The following PER2 variants were observed in gnomAD, a reference collection of about 807,000 sequenced individuals.
PER2 encodes period circadian regulator 2, also known as period circadian protein homolog 2.
In PER2, 66 loss-of-function variants were observed where a neutral mutation model predicts 121.0. The observed-to-expected ratio is 0.55, with a 90% CI of 0.45 to 0.67. The LOEUF (loss-of-function observed/expected upper bound fraction) is 0.67, where lower values mean the gene tolerates loss of function less well. Ranked by LOEUF, PER2 falls within the 30% of genes least tolerant of loss-of-function variation. The probability of loss-of-function intolerance (pLI) is 0.00; values close to 1 mark genes in which losing one functional copy is unlikely to be tolerated. For synonymous variants in PER2, 684 were observed against 659.9 expected (o/e 1.04, Z -0.56); for missense variants, 1,521 against 1,635.0 (o/e 0.93, Z 1.20).
In PER2 at chr2:238,253,176, GA is replaced by G. The variant is rs1402612032; in HGVS notation, c.2846del (p.Phe949SerfsTer70). 5.0e-6 allele frequency: 8 copies of G among 1,595,092 alleles called. No individual in the cohort carries two copies. The highest frequency in any genetic ancestry group is 6.9e-6 in the Non-Finnish European group (8 of 1,167,624). On this transcript the variant is annotated frameshift_variant, in exon 19 of 23. Transcript: ENST00000254657. LOFTEE classifies it high-confidence loss of function. The surrounding 1 kb of genome is among the most constrained non-coding windows in gnomAD (Gnocchi z 5.6). ...SEMASASQPE[F>X]PSRTSIPRQP... The stretch of plus-strand genomic sequence containing the variant: ...GTCTGGGGATCGAGGTCCGGCTGGG[GA>G]ACTCAGGCTGTGAGGCAGAGGCCAT...
rs1695426119 is a variant in PER2 at position 238,245,630 on chromosome 2, G to A, written c.*745C>T. The A allele has an allele frequency of 2.5e-6, 1 of 398,648 alleles. No homozygotes were observed. The highest frequency in any genetic ancestry group is 3.6e-5 in the East Asian group (1 of 28,082). 24.7% of individuals were successfully genotyped at this position (398,648 alleles called of 1,614,324 possible). On this transcript the variant is annotated 3_prime_UTR_variant, in exon 23 of 23. Transcript: ENST00000254657. ...ATATTGGCCATCATGGTCTGAAAAG[G>A]AGACAAGAATAATGCAGAAATATAC...
chr2:238,255,605 C>T, intron 18 of PER2, 52 bp downstream of exon 18: 11 of 1,589,650 alleles, frequency 6.9e-6, no homozygotes, highest in Non-Finnish European at 9.5e-6. Flanking sequence ...GGACTCAGTA[C>T]CAACAGGAAT....
Position 238,268,262 on chromosome 2 carries a change from C to T in PER2, c.825-64G>A, listed in dbSNP as rs1696173399. On this transcript the variant is annotated intron_variant, in intron 7 of 22. Coordinates refer to ENST00000254657, the MANE Select transcript of PER2 (RefSeq NM_022817.3). The surrounding 1 kb of genome is among the most constrained non-coding windows in gnomAD (Gnocchi z 4.0). ...CACAGGAACAGTCCCCTGTTCTGTT[C>T]CCTCCTCACCTGGGCCCCATGCCAT... The T allele has an allele frequency of 1.8e-5, 28 of 1,532,986 alleles. No individual in the cohort carries two copies. The East Asian group carries it at 6.1e-4, about 34-fold the overall frequency. 95.0% of individuals were successfully genotyped at this position (1,532,986 alleles called of 1,614,324 possible).
At chr2:238,261,308 G>A in intron 12 of PER2, 1 of 395,302 alleles carries the variant, frequency 2.5e-6, no homozygotes, top group Non-Finnish European at 4.7e-6. Context: ...CTGACAGGCA[G>A]GCGCCTACTC....
intron 8 of PER2, 82 bp from the exon 9 acceptor site, chr2:238,265,672 C>G: frequency 1.1e-6 from 1 of 880,022 alleles, no homozygotes; most frequent in Non-Finnish European, 1.9e-6. Flanking sequence ...AGAAAACACC[C>G]TGTAGATTCA....
chr2:238,258,232 T>C, intron 16 of PER2, 44 bp downstream of exon 16: 1 of 1,608,916 alleles, frequency 6.2e-7, no homozygotes, highest in Non-Finnish European at 8.5e-7. Flanking sequence ...CTCCAGAGGA[T>C]TTACATTATT....
intron 4 of PER2, among the ~76,000 whole-genome samples, 169 bp from the exon 5 acceptor site, chr2:238,273,360 CACAG>C (rs978538417): frequency 2.0e-4 from 30 of 152,230 alleles, no homozygotes. Flanking sequence ...AAAACAAACT[CACAG>C]ACAGAAATCG....
At chr2:238,297,351 G>T in the PER2 span, among the ~76,000 whole-genome samples, 1 of 152,184 alleles carries the variant, frequency 6.6e-6, no homozygotes, top group Non-Finnish European at 1.5e-5. Flanking sequence ...CTGGGGCCAG[G>T]AGTCCCCCAG....
At position 238,277,946 on chromosome 2, in the gene PER2, T is replaced by C. The variant is rs1696508603; in HGVS notation, c.-10A>G. Reference sequence around the variant, plus strand: ...CCGCGTATCCATTCATGCTGGGCTCTGGAACGAAGCTGGCAAACAGAGGGA... The same window carrying C: ...CCGCGTATCCATTCATGCTGGGCTCCGGAACGAAGCTGGCAAACAGAGGGA... On this transcript the variant is annotated 5_prime_UTR_variant, in exon 2 of 23. Transcript: ENST00000254657. 1.9e-6 allele frequency: 3 copies of C among 1,612,810 alleles called. No homozygotes were observed. The highest frequency in any genetic ancestry group is 2.5e-6 in the Non-Finnish European group (3 of 1,179,808).
chr2:238,253,223 G>A lies in PER2; in HGVS notation c.2800C>T (p.His934Tyr). ...FFPSQPQFPS[H>Y]PTLTSEMASA... ...GCCATCTCGGATGTGAGTGTGGGGTGGCTCGGAAACTGAGGCTGGCTGGGG... is the reference window on the plus strand; with the variant it reads ...GCCATCTCGGATGTGAGTGTGGGGTAGCTCGGAAACTGAGGCTGGCTGGGG... The change falls in exon 19 of 23, where the codon CAC becomes TAC. Residue 934 changes from histidine (H) to tyrosine (Y), a missense_variant. Coordinates refer to ENST00000254657, the MANE Select transcript of PER2 (RefSeq NM_022817.3). This position sits in a 1 kb window ranked among gnomAD's most constrained non-coding sequence, Gnocchi z 5.6. 1 of 1,599,506 alleles carries A rather than the reference G, an allele frequency of 6.3e-7. No homozygotes were observed. The highest frequency in any genetic ancestry group is 8.5e-7 in the Non-Finnish European group (1 of 1,171,048).
At chr2:238,260,710 G>T in intron 13 of PER2, 118 bp downstream of exon 13, 1 of 1,118,618 alleles carries the variant, frequency 8.9e-7, no homozygotes, top group Non-Finnish European at 1.3e-6. Flanking sequence ...AAAGGAAGCA[G>T]CAACAGCTGC....
In PER2 at chr2:238,268,885, CG is replaced by C; in HGVS notation, c.824+37del. ...GCAGTGCTGGGGTGAAATGTTTATA[CG>C]GTTTTCTAATTTAAGAAAACTGGGA... is the stretch of plus-strand genomic sequence containing the variant. On this transcript the variant is annotated intron_variant, in intron 7 of 22. Coordinates refer to ENST00000254657, the MANE Select transcript of PER2 (RefSeq NM_022817.3). This position sits in a 1 kb window ranked among gnomAD's most constrained non-coding sequence, Gnocchi z 4.0. 6.7e-7 allele frequency: 1 copy of C among 1,500,152 alleles called. No homozygotes were observed. The allele number at this position is 1,500,152 out of a possible 1,614,324, so 92.9% of individuals were successfully genotyped here. A position where few individuals can be genotyped will look rare whatever the true frequency, so the allele number is the denominator to read the frequency against.
In PER2 at chr2:238,253,322, C is replaced by T; in HGVS notation, c.2701G>A (p.Ala901Thr). 2 of 1,613,604 alleles carry T rather than the reference C, an allele frequency of 1.2e-6. No homozygotes were observed. The highest frequency in any genetic ancestry group is 2.2e-5 in the South Asian group (2 of 90,998). Residue 901 changes from alanine (A) to threonine (T), a missense_variant, in exon 19 of 23, where the codon GCG becomes ACG. Transcript: ENST00000254657. This position sits in a 1 kb window ranked among gnomAD's most constrained non-coding sequence, Gnocchi z 5.6. Reference sequence around the variant, plus strand: ...GGTAGCATGAATGCCATGACAGGCGCCAAAGGGGCAGGGAAAGGTGGGGGC... The same window carrying T: ...GGTAGCATGAATGCCATGACAGGCGTCAAAGGGGCAGGGAAAGGTGGGGGC... ...VQPPPFPAPL[A>T]PVMAFMLPSY...
chr2:238,286,848 T>C (rs1163159488), intron 1 of PER2, among the ~76,000 whole-genome samples: 1 of 152,244 alleles, frequency 6.6e-6, no homozygotes, highest in Non-Finnish European at 1.5e-5. Context: ...GTACGAGAAG[T>C]AGTGCACAGG....
At chr2:238,295,647 G>A in the PER2 span, 2 of 152,564 alleles carry the variant, frequency 1.3e-5, no homozygotes, top group African/African-American at 4.8e-5. Context: ...AGTGATTGTG[G>A]GGCCTGAACT....
In PER2 at chr2:238,261,893, CG is replaced by C. The variant is rs1202684269; in HGVS notation, c.1308-57del. ...GGGCCCCACAGGAGGACCTCTCTGG[CG>C]TGACTGTATAGCCACTACATGCTGC... is the stretch of plus-strand genomic sequence containing the variant. On this transcript the variant is annotated intron_variant, in intron 11 of 22. Coordinates refer to ENST00000254657, the MANE Select transcript of PER2 (RefSeq NM_022817.3). 46 of 1,246,204 alleles carry C rather than the reference CG, an allele frequency of 3.7e-5. 1 individual carries two copies. In the South Asian group the frequency reaches 5.6e-4, roughly 15 times the overall value. 77.2% of individuals were successfully genotyped at this position (1,246,204 alleles called of 1,614,324 possible).
At chr2:238,257,237 G>A in intron 16 of PER2, 151 bp from the exon 17 acceptor site, 2 of 644,006 alleles carry the variant, frequency 3.1e-6, no homozygotes, top group Admixed American at 2.8e-5. Flanking sequence ...GCCCAGGCAT[G>A]GGGTGATTTG....
rs1365568484 is a variant in PER2 at position 238,244,571 on chromosome 2, A to C, written c.*1804T>G. ...AAGGAGTTTGTAACATCTAATGGCC[A>C]TAAGAATGCAGACTGCTACCTTATC... On this transcript the variant is annotated 3_prime_UTR_variant, in exon 23 of 23. Transcript: ENST00000254657. 2 of 152,254 alleles carry C rather than the reference A, an allele frequency of 1.3e-5. No homozygotes were observed. Among genetic ancestry groups the C allele is most frequent in the Admixed American group, 1.3e-4 (2 of 15,288 alleles). The allele number at this position is 152,254 out of a possible 1,614,324, so 9.4% of individuals were successfully genotyped here.
chr2:238,248,958 T>A, intron 22 of PER2, 104 bp downstream of exon 22: 1 of 1,316,168 alleles, frequency 7.6e-7, no homozygotes, highest in Non-Finnish European at 1.1e-6. Flanking sequence ...CCCGGCCTAA[T>A]TTTAGAAGTT....
Sources: allele counts gnomAD v4.1 joint callset (sites outside exome capture counted in the v4.1 genomes callset), GRCh38; gene constraint gnomAD v4.1.1; non-coding constraint Gnocchi (gnomAD v3.1); transcripts MANE v1.5; gene names NCBI Gene and HGNC (gene_info 2026-07-23, HGNC 2026-07-21).